The following IZUMO1R variants were observed in gnomAD, a reference collection of about 807,000 sequenced individuals.
The protein encoded by IZUMO1R is IZUMO1 receptor, JUNO.
IZUMO1R carries 24 observed loss-of-function variants against 22.1 expected under a neutral mutation model. The ratio of observed to expected loss-of-function variants is 1.09; its 90% confidence interval spans 0.79 to 1.53. The LOEUF (loss-of-function observed/expected upper bound fraction) is 1.53. IZUMO1R is among the 40% of genes most tolerant of loss of function. The pLI, the probability that IZUMO1R is intolerant of heterozygous loss-of-function variation, is 0.00. For missense variants in IZUMO1R, 308 were observed against 314.9 expected (o/e 0.98, Z 0.17); for synonymous variants, 133 against 121.2 (o/e 1.10, Z -0.64).
intron 1 of IZUMO1R, 80 bp from the exon 2 acceptor site, chr11:94,305,551 C>T: frequency 6.5e-7 from 1 of 1,542,078 alleles, no homozygotes; most frequent in South Asian, 1.2e-5. Context: ...GCCCATCCCC[C>T]TTTCCCAGTG....
At chr11:94,304,952 A>G (rs576654792) in intron 1 of IZUMO1R, among the ~76,000 whole-genome samples, 73 bp downstream of exon 1, 2 of 152,288 alleles carry the variant, frequency 1.3e-5, no homozygotes, top group African/African-American at 4.8e-5. Flanking sequence ...TTCTTTAAAA[A>G]TATTCAAGGC....
intron 4 of IZUMO1R, 58 bp from the exon 5 acceptor site, chr11:94,307,366 T>G (rs1944032818): frequency 6.2e-7 from 1 of 1,611,898 alleles, no homozygotes; most frequent in Non-Finnish European, 8.5e-7. Context: ...AGGGTGCAGG[T>G]GCAAAGGCTA....
intron 2 of IZUMO1R, 63 bp from the exon 3 acceptor site, chr11:94,306,450 C>T (rs1324209382): frequency 8.7e-6 from 13 of 1,496,768 alleles, no homozygotes; most frequent in Non-Finnish European, 1.2e-5. Flanking sequence ...ACCTTTCTTC[C>T]CTAGACACTT....
Position 94,307,886 on chromosome 11 carries a change from C to T in IZUMO1R, c.*194C>T, listed in dbSNP as rs1337284829. On this transcript the variant is annotated 3_prime_UTR_variant, in exon 5 of 5. Transcript: ENST00000687084. ...GAAGGAAGTGCCCCTGAGGCTTCAG[C>T]GGCTGGTGCCTGCAACCTGCACATT... Among the ~76,000 whole-genome samples the T allele has an allele frequency of 6.6e-6, 1 of 151,402 alleles. No homozygotes were observed. Among genetic ancestry groups the T allele is most frequent in the Non-Finnish European group, 1.5e-5 (1 of 67,796 alleles).
Position 94,305,744 on chromosome 11 carries a change from G to A in IZUMO1R, c.108G>A (p.Val36=). 1 of 1,613,442 alleles carries A rather than the reference G, an allele frequency of 6.2e-7. No homozygotes were observed. Among genetic ancestry groups the A allele is most frequent in the East Asian group, 2.2e-5 (1 of 44,838 alleles). The change falls in exon 2 of 5, where the codon GTG becomes GTA. Residue 36 remains valine, a synonymous_variant. Transcript: ENST00000687084. ...TGAATGCCAAACACCACAAGAGAGT[G>A]CCCAGCCCAGAAGACAAGCTCTATG... ...ICMNAKHHKR[V]PSPEDKLYEE...
rs755133419 is a variant in IZUMO1R at position 94,307,587 on chromosome 11, C to A, written c.648C>A (p.Gly216=). ...CLQKWFEPAQ[G]NPNVAVARLF... is the part of the protein sequence containing the mutation. Reference sequence around the variant, plus strand: ...AGAAGTGGTTTGAGCCTGCTCAGGGCAACCCCAATGTGGCCGTGGCCCGCC... The same window carrying A: ...AGAAGTGGTTTGAGCCTGCTCAGGGAAACCCCAATGTGGCCGTGGCCCGCC... Residue 216 remains glycine (G), a synonymous_variant, in exon 5 of 5, where the codon GGC becomes GGA. Coordinates refer to ENST00000687084, the MANE Select transcript of IZUMO1R (RefSeq NM_001199206.4). 22 of 1,613,896 alleles carry A rather than the reference C, an allele frequency of 1.4e-5. No homozygotes were observed. The highest frequency in any genetic ancestry group is 1.8e-5 in the Non-Finnish European group (21 of 1,179,862).
chr11:94,307,589 A>T lies in IZUMO1R; in HGVS notation c.650A>T (p.Asn217Ile). 6.2e-7 allele frequency: 1 copy of T among 1,613,640 alleles called. No homozygotes were observed. Among genetic ancestry groups the T allele is most frequent in the South Asian group, 1.1e-5 (1 of 91,074 alleles). ...AAGTGGTTTGAGCCTGCTCAGGGCAACCCCAATGTGGCCGTGGCCCGCCTC... is the reference window on the plus strand; with the variant it reads ...AAGTGGTTTGAGCCTGCTCAGGGCATCCCCAATGTGGCCGTGGCCCGCCTC... ...LQKWFEPAQG[N>I]PNVAVARLFA... Residue 217 changes from asparagine (N) to isoleucine (I), a missense_variant, in exon 5 of 5, where the codon AAC becomes ATC. Coordinates refer to ENST00000687084, the MANE Select transcript of IZUMO1R (RefSeq NM_001199206.4).
chr11:94,307,733 A>G lies in IZUMO1R; in HGVS notation c.*41A>G. On this transcript the variant is annotated 3_prime_UTR_variant, in exon 5 of 5. Transcript: ENST00000687084. ...CACTCACATTCCTGCATGTCCACCA[A>G]CTGTGGGTCAGGCCAGGCCATGGCC... 6.3e-7 allele frequency: 1 copy of G among 1,599,642 alleles called. No individual in the cohort carries two copies. The highest frequency in any genetic ancestry group is 8.5e-7 in the Non-Finnish European group (1 of 1,170,808).
At chr11:94,305,838 GGTCT>G (rs1414855537) in intron 2 of IZUMO1R, 64 bp downstream of exon 2, 42 of 1,568,948 alleles carry the variant, frequency 2.7e-5, no homozygotes, top group Non-Finnish European at 3.6e-5. Context: ...ATGCCAAGAT[GGTCT>G]CCGAACCTCA....
Position 94,307,590 on chromosome 11 carries a change from C to G in IZUMO1R, c.651C>G (p.Asn217Lys). ...AGTGGTTTGAGCCTGCTCAGGGCAA[C>G]CCCAATGTGGCCGTGGCCCGCCTCT... ...LQKWFEPAQG[N>K]PNVAVARLFA... Residue 217 changes from asparagine to lysine, a missense_variant, in exon 5 of 5, where the codon AAC becomes AAG. Physicochemically the swap from Asn to Lys is moderately conservative, Grantham distance 94. Coordinates refer to ENST00000687084, the MANE Select transcript of IZUMO1R (RefSeq NM_001199206.4). 1 of 1,613,914 alleles carries G rather than the reference C, an allele frequency of 6.2e-7. No individual in the cohort carries two copies. Among genetic ancestry groups the G allele is most frequent in the South Asian group, 1.1e-5 (1 of 91,090 alleles).
In IZUMO1R at chr11:94,305,700, G is replaced by T; in HGVS notation, c.64G>T (p.Glu22Ter). Residue 22 changes from glutamate (E) to a stop codon, truncating the protein, a stop_gained, in exon 2 of 5, where the codon GAG becomes TAG. Coordinates refer to ENST00000687084, the MANE Select transcript of IZUMO1R (RefSeq NM_001199206.4). LOFTEE classifies it high-confidence loss of function. ...AGTCATGCCCACCTGGGCTGGGGACGAGCTGCTCAACATCTGCATGAATGC... is the reference window on the plus strand; with the variant it reads ...AGTCATGCCCACCTGGGCTGGGGACTAGCTGCTCAACATCTGCATGAATGC... ...WTVMPTWAGD[E>*]LLNICMNAKH... 6.2e-7 allele frequency: 1 copy of T among 1,613,330 alleles called. No individual in the cohort carries two copies. The highest frequency in any genetic ancestry group is 1.1e-5 in the South Asian group (1 of 90,998).
rs1044154892 is a variant in IZUMO1R at position 94,306,611 on chromosome 11, T to G, written c.237T>G (p.Cys79Trp). ...TCTACAACTTCAGCCTGTTTCACTGTGGACTGCTGATGCCTGGCTGTCGGA... is the reference window on the plus strand; with the variant it reads ...TCTACAACTTCAGCCTGTTTCACTGGGGACTGCTGATGCCTGGCTGTCGGA... ...SPLYNFSLFH[C>W]GLLMPGCRKH... The change falls in exon 3 of 5, where the codon TGT (cysteine) becomes TGG (tryptophan). Residue 79 changes from cysteine (C) to tryptophan (W), a missense_variant. Transcript: ENST00000687084. 6.2e-7 allele frequency: 1 copy of G among 1,614,010 alleles called. No individual in the cohort carries two copies. The highest frequency in any genetic ancestry group is 1.3e-5 in the African/African-American group (1 of 75,050).
intron 1 of IZUMO1R, among the ~76,000 whole-genome samples, chr11:94,305,255 C>T (rs1038811961): frequency 1.3e-5 from 2 of 152,186 alleles, no homozygotes; most frequent in African/African-American, 2.4e-5. Context: ...TTTGTTTTGT[C>T]TCTCTTTCCA....
chr11:94,305,075 C>G (rs1018577573), intron 1 of IZUMO1R, among the ~76,000 whole-genome samples, 196 bp downstream of exon 1: 1 of 152,058 alleles, frequency 6.6e-6, no homozygotes, highest in Non-Finnish European at 1.5e-5. Context: ...GTTTGAGGCT[C>G]TTAGACCAGG....
chr11:94,306,583 C>A lies in IZUMO1R; in HGVS notation c.209C>A (p.Pro70Gln), dbSNP rs988894595. The change falls in exon 3 of 5, where the codon CCA becomes CAA. Residue 70 changes from proline to glutamine, a missense_variant. By Grantham distance (76) the Pro-to-Gln change is moderately conservative. Coordinates refer to ENST00000687084, the MANE Select transcript of IZUMO1R (RefSeq NM_001199206.4). ...TSWEAHLDVS[P>Q]LYNFSLFHCG... ...TGGGAAGCCCATCTGGATGTATCCC[C>A]ACTCTACAACTTCAGCCTGTTTCAC... 1 of 1,614,002 alleles carries A rather than the reference C, an allele frequency of 6.2e-7. No individual in the cohort carries two copies. Among genetic ancestry groups the A allele is most frequent in the Non-Finnish European group, 8.5e-7 (1 of 1,179,878 alleles).
At chr11:94,306,120 C>T (rs1944016405) in intron 2 of IZUMO1R, among the ~76,000 whole-genome samples, 1 of 151,714 alleles carries the variant, frequency 6.6e-6, no homozygotes, top group Non-Finnish European at 1.5e-5. Flanking sequence ...AGGCAATTTC[C>T]AGGGATATGG....
intron 2 of IZUMO1R, 44 bp from the exon 3 acceptor site, chr11:94,306,469 T>A (rs1944020081): frequency 6.3e-7 from 1 of 1,575,290 alleles, no homozygotes; most frequent in African/African-American, 1.3e-5. Context: ...TTGCCGATCC[T>A]TGCCCCTTTT....
chr11:94,305,389 G>A (rs1944004232), intron 1 of IZUMO1R, among the ~76,000 whole-genome samples: 1 of 152,190 alleles, frequency 6.6e-6, no homozygotes. Context: ...TCATGCCTCG[G>A]CATGCCCCTG....
chr11:94,307,629 C>T lies in IZUMO1R; in HGVS notation c.690C>T (p.Ala230=), dbSNP rs773665529. ...TGGCCCGCCTCTTCGCCAGCTCTGC[C>T]CCATCCTGGGAACTGTCCTACACCA... ...VAVARLFASS[A]PSWELSYTIM... Residue 230 remains alanine, a synonymous_variant, in exon 5 of 5, where the codon GCC becomes GCT. Transcript: ENST00000687084. 2.5e-6 allele frequency: 4 copies of T among 1,613,788 alleles called. No individual in the cohort carries two copies. The highest frequency in any genetic ancestry group is 2.2e-5 in the South Asian group (2 of 91,094).
Sources: gnomAD v4.1 joint callset for allele counts (sites outside exome capture counted in the v4.1 genomes callset) on GRCh38, gnomAD v4.1.1 for gene constraint, MANE v1.5 for transcripts, NCBI Gene and HGNC (gene_info 2026-07-23, HGNC 2026-07-21) for gene names.